TBC1D19: variants seen among roughly 807,000 people sequenced by gnomAD.
TBC1D19 encodes the protein TBC1 domain family, member 19.
A neutral mutation model predicts 89.0 loss-of-function variants in TBC1D19; 60 were observed. The observed-to-expected ratio is 0.67, with a 90% confidence interval of 0.55 to 0.84. The LOEUF (loss-of-function observed/expected upper bound fraction) is 0.84, where lower values mean the gene tolerates loss of function less well. Ranked by LOEUF, TBC1D19 falls within the 40% of genes least tolerant of loss-of-function variation. The pLI is 0.00. For missense variants in TBC1D19, 500 were observed against 610.8 expected (o/e 0.82, Z 1.91); for synonymous variants, 189 against 199.7 (o/e 0.95, Z 0.45).
At chr4:26,814,335 A>G in the TBC1D19 span, among the ~76,000 whole-genome samples, 2 of 152,220 alleles carry the variant, frequency 1.3e-5, no homozygotes, top group African/African-American at 4.8e-5. Flanking sequence ...GAAAATGTCT[A>G]GGAAACTCTT....
the TBC1D19 span, among the ~76,000 whole-genome samples, chr4:26,805,801 G>A: frequency 6.6e-6 from 1 of 152,164 alleles, no homozygotes; most frequent in African/African-American, 2.4e-5. Context: ...TTCGAGACCA[G>A]CCTGGCCAAC....
intron 4 of TBC1D19, among the ~76,000 whole-genome samples, chr4:26,632,600 TG>T (rs1012697411): frequency 3.3e-5 from 5 of 151,734 alleles, no homozygotes; most frequent in Admixed American, 2.6e-4. Flanking sequence ...GTAGAGGAGG[TG>T]GAAGGGATAC....
intron 11 of TBC1D19, among the ~76,000 whole-genome samples, chr4:26,674,929 G>A (rs955200233): frequency 7.2e-5 from 11 of 151,842 alleles, no homozygotes; most frequent in African/African-American, 2.2e-4. Flanking sequence ...CTATGTATAC[G>A]TGCATGTGTG....
the TBC1D19 span, among the ~76,000 whole-genome samples, chr4:26,781,083 A>G: frequency 6.6e-6 from 1 of 152,198 alleles, no homozygotes. Context: ...CCTGGGAAGC[A>G]GCATCAGCAT....
At chr4:26,732,428 G>C (rs568029829) in intron 15 of TBC1D19, among the ~76,000 whole-genome samples, 1 of 151,962 alleles carries the variant, frequency 6.6e-6, no homozygotes, top group African/African-American at 2.4e-5. Context: ...ACATGTATTC[G>C]CTTATTTTTA....
intron 15 of TBC1D19, among the ~76,000 whole-genome samples, chr4:26,733,074 T>G (rs1717766058): frequency 6.6e-6 from 1 of 152,212 alleles, no homozygotes; most frequent in Non-Finnish European, 1.5e-5. Context: ...CATGAATCTG[T>G]GTGCTAGAAG....
At chr4:26,659,850 A>G in intron 8 of TBC1D19, 143 bp downstream of exon 8, 1 of 494,078 alleles carries the variant, frequency 2.0e-6, no homozygotes, top group Non-Finnish European at 3.5e-6. Context: ...TATTGCAAAT[A>G]TGTATATAGA....
chr4:26,811,496 A>C, the TBC1D19 span, among the ~76,000 whole-genome samples: 1 of 47,404 alleles, frequency 2.1e-5, no homozygotes, highest in Non-Finnish European at 4.0e-5. Flanking sequence ...AGCATGGAGA[A>C]GAGTAGTCCA....
chr4:26,704,319 T>A (rs577498031), intron 13 of TBC1D19, among the ~76,000 whole-genome samples: 39 of 152,188 alleles, frequency 2.6e-4, no homozygotes, highest in Non-Finnish European at 5.4e-4. Flanking sequence ...ACTACGTAAG[T>A]TAACATATTG....
the TBC1D19 span, among the ~76,000 whole-genome samples, chr4:26,777,776 A>G: frequency 0.014 from 2,123 of 152,190 alleles, 52 homozygotes; most frequent in African/African-American, 0.049. Flanking sequence ...AATTGAGGAC[A>G]CTGATAATCA....
intron 1 of TBC1D19, among the ~76,000 whole-genome samples, chr4:26,589,631 A>G (rs12650361): frequency 0.38 from 57,326 of 151,982 alleles, 11,815 homozygotes; most frequent in Non-Finnish European, 0.47. Context: ...TGTGGTATTG[A>G]GTGAAAGACC....
chr4:26,778,825 GA>G, the TBC1D19 span, among the ~76,000 whole-genome samples: 1 of 152,124 alleles, frequency 6.6e-6, no homozygotes, highest in African/African-American at 2.4e-5. Flanking sequence ...TACAATTTAA[GA>G]AACACTGGTC....
At chr4:26,685,902 C>A (rs1713771094) in intron 12 of TBC1D19, among the ~76,000 whole-genome samples, 1 of 152,190 alleles carries the variant, frequency 6.6e-6, no homozygotes, top group Middle Eastern at 3.2e-3. Context: ...GATGAGAGTT[C>A]TCTTTGTCAC....
the TBC1D19 span, among the ~76,000 whole-genome samples, chr4:26,782,097 A>G: frequency 1.3e-5 from 2 of 152,270 alleles, no homozygotes; most frequent in South Asian, 2.1e-4. Flanking sequence ...GTTGATATGT[A>G]TCTATATTTA....
the TBC1D19 span, among the ~76,000 whole-genome samples, chr4:26,775,850 G>T: frequency 6.6e-6 from 1 of 152,046 alleles, no homozygotes; most frequent in African/African-American, 2.4e-5. Context: ...ATTCTTCAAA[G>T]GTGGTCAGTT....
At chr4:26,781,943 AAT>A in the TBC1D19 span, among the ~76,000 whole-genome samples, 1 of 152,162 alleles carries the variant, frequency 6.6e-6, no homozygotes, top group Admixed American at 6.5e-5. Flanking sequence ...TTATAAAAAA[AAT>A]ATACCTTTAT....
At chr4:26,714,521 C>T (rs1716450352) in intron 13 of TBC1D19, among the ~76,000 whole-genome samples, 1 of 152,052 alleles carries the variant, frequency 6.6e-6, no homozygotes, top group African/African-American at 2.4e-5. Context: ...GGTTTCAAGA[C>T]ACCACATTCT....
the TBC1D19 span, among the ~76,000 whole-genome samples, chr4:26,847,554 C>T: frequency 3.9e-5 from 6 of 152,214 alleles, no homozygotes; most frequent in South Asian, 4.2e-4. Flanking sequence ...GCAGACTGAA[C>T]GGGAAGGAGA....
the TBC1D19 span, among the ~76,000 whole-genome samples, chr4:26,853,505 G>T: frequency 6.6e-6 from 1 of 151,954 alleles, no homozygotes; most frequent in African/African-American, 2.4e-5. Context: ...TGGCTAAATA[G>T]CACTACTTTG....
Sources: allele counts gnomAD v4.1 joint callset (sites outside exome capture counted in the v4.1 genomes callset), GRCh38; gene constraint gnomAD v4.1.1; transcripts MANE v1.5; gene names NCBI Gene and HGNC (gene_info 2026-07-23, HGNC 2026-07-21).